The following LRBA variants were observed in gnomAD, a reference collection of about 807,000 sequenced individuals.
LRBA encodes LPS responsive beige-like anchor protein.
In LRBA, 176 loss-of-function variants were observed where a neutral mutation model predicts 330.0. The ratio of observed to expected loss-of-function variants is 0.53; its 90% confidence interval spans 0.47 to 0.60. LRBA has a LOEUF of 0.60. LRBA is among the 20% of genes least tolerant of loss of function. The probability of loss-of-function intolerance (pLI) is 0.00; values close to 1 mark genes in which losing one functional copy is unlikely to be tolerated. For synonymous variants in LRBA, 1,230 were observed against 1,193.0 expected (o/e 1.03, Z -0.64); for missense variants, 3,259 against 3,444.8 (o/e 0.95, Z 1.35).
chr4:150,333,441 A>G (rs895857281), intron 48 of LRBA, among the ~76,000 whole-genome samples: 1 of 152,174 alleles, frequency 6.6e-6, no homozygotes, highest in Non-Finnish European at 1.5e-5. Flanking sequence ...ATATATTAAA[A>G]CTTTCTCACA....
At chr4:150,935,857 T>C (rs896796571) in intron 2 of LRBA, among the ~76,000 whole-genome samples, 2 of 151,936 alleles carry the variant, frequency 1.3e-5, no homozygotes, top group Admixed American at 1.3e-4. Flanking sequence ...GACTGAATCC[T>C]TATCTTACAA....
intron 2 of LRBA, among the ~76,000 whole-genome samples, chr4:151,003,025 T>A (rs920316595): frequency 7.8e-6 from 1 of 128,956 alleles, no homozygotes; most frequent in East Asian, 2.3e-4. Flanking sequence ...AAAAAAAATA[T>A]GTGTGTGTGT....
At chr4:150,266,228 C>T (rs1300296937) in intron 56 of LRBA, among the ~76,000 whole-genome samples, 2 of 152,182 alleles carry the variant, frequency 1.3e-5, no homozygotes, top group Non-Finnish European at 2.9e-5. Context: ...AAAGAAGCAG[C>T]ACACACTCAA....
intron 40 of LRBA, among the ~76,000 whole-genome samples, chr4:150,559,662 A>AATAT (rs374502406): frequency 1.1e-5 from 1 of 89,804 alleles, no homozygotes; most frequent in East Asian, 2.7e-4. Flanking sequence ...ATATAATTAT[A>AATAT]ATATATATAT....
intron 37 of LRBA, among the ~76,000 whole-genome samples, chr4:150,667,068 G>T (rs138526314): frequency 6.6e-6 from 1 of 152,092 alleles, no homozygotes; most frequent in Non-Finnish European, 1.5e-5. Context: ...TCAAACCCAT[G>T]TCTGCTTTAC....
intron 52 of LRBA, among the ~76,000 whole-genome samples, chr4:150,306,257 C>A (rs1053903050): frequency 3.3e-5 from 5 of 152,124 alleles, no homozygotes; most frequent in African/African-American, 1.2e-4. Flanking sequence ...CCTCCCTCCT[C>A]CCCAATCTAA....
chr4:150,968,167 G>T (rs1270938233), intron 2 of LRBA, among the ~76,000 whole-genome samples: 1 of 152,022 alleles, frequency 6.6e-6, no homozygotes, highest in Non-Finnish European at 1.5e-5. Context: ...ACCATGTCTG[G>T]CTAATTTTTG....
intron 37 of LRBA, among the ~76,000 whole-genome samples, chr4:150,653,823 G>T (rs1457000896): frequency 6.6e-6 from 1 of 151,990 alleles, no homozygotes; most frequent in Non-Finnish European, 1.5e-5. Context: ...ACACTATAGG[G>T]TCATAACTGT....
intron 13 of LRBA, among the ~76,000 whole-genome samples, chr4:150,902,097 A>T (rs1730794963): frequency 6.6e-6 from 1 of 152,206 alleles, no homozygotes; most frequent in Admixed American, 6.5e-5. Flanking sequence ...AAAAGTCATG[A>T]AGCAATATGT....
At chr4:150,770,643 G>T (rs900054022) in intron 34 of LRBA, among the ~76,000 whole-genome samples, 2 of 150,956 alleles carry the variant, frequency 1.3e-5, no homozygotes, top group East Asian at 3.9e-4. Flanking sequence ...AGAAAGAAAT[G>T]TAACAATTAC....
intron 47 of LRBA, among the ~76,000 whole-genome samples, chr4:150,396,403 C>G (rs1202344618): frequency 1.3e-5 from 2 of 151,876 alleles, no homozygotes; most frequent in Non-Finnish European, 2.9e-5. Context: ...CTCTGGGTCT[C>G]TAGCTTGAAT....
At position 150,908,812 on chromosome 4, in the gene LRBA, G is replaced by C; in HGVS notation, c.1207C>G (p.His403Asp). 6.2e-7 allele frequency: 1 copy of C among 1,613,748 alleles called. No individual in the cohort carries two copies. Among genetic ancestry groups the C allele is most frequent in the Middle Eastern group, 1.7e-4 (1 of 6,058 alleles). Residue 403 changes from histidine to aspartate, a missense_variant, in exon 10 of 57, where the codon CAT becomes GAT. Transcript: ENST00000651943. ...CCATCGTACAATAAAAGTTTGTGATGCTCAGCAAGGAAAAGGTCGCTTTCT... is the reference window on the plus strand; with the variant it reads ...CCATCGTACAATAAAAGTTTGTGATCCTCAGCAAGGAAAAGGTCGCTTTCT... ...KAESDLFLAE[H>D]HKLLLYDGKL... is the part of the protein sequence containing the mutation.
chr4:150,558,130 C>T (rs1767573152), intron 40 of LRBA, among the ~76,000 whole-genome samples: 1 of 152,078 alleles, frequency 6.6e-6, no homozygotes, highest in Admixed American at 6.6e-5. Flanking sequence ...AACTCCTAAC[C>T]TCAAATGATC....
chr4:150,984,687 T>C (rs1741231138), intron 2 of LRBA, among the ~76,000 whole-genome samples: 3 of 152,226 alleles, frequency 2.0e-5, no homozygotes, highest in Non-Finnish European at 4.4e-5. Flanking sequence ...CCTTCTTTAC[T>C]GTGCCTTGAC....
At position 150,698,754 on chromosome 4, in the gene LRBA, T is replaced by C. The variant is rs1784844388; in HGVS notation, c.5755-15037A>G. Among the ~76,000 whole-genome samples the C allele has an allele frequency of 3.3e-5, 5 of 152,316 alleles. No homozygotes were observed. In the South Asian group the frequency reaches 1.0e-3, roughly 32 times the overall value. ...AAATTATTATTTCTTGTTATATGTA[T>C]GTATATACCTGTCCTTTATACAGGT... On this transcript the variant is annotated intron_variant, in intron 36 of 56. Transcript: ENST00000651943.
intron 2 of LRBA, among the ~76,000 whole-genome samples, chr4:150,937,264 T>C (rs947729129): frequency 6.6e-6 from 1 of 152,106 alleles, no homozygotes; most frequent in Admixed American, 6.5e-5. Context: ...GGGTCTACAG[T>C]ATGTCATGTT....
chr4:150,696,135 C>T (rs180713170), intron 36 of LRBA, among the ~76,000 whole-genome samples: 6 of 152,006 alleles, frequency 3.9e-5, no homozygotes, highest in Non-Finnish European at 5.9e-5. Context: ...GAGGATGAGG[C>T]GGGAGGATTG....
At chr4:150,807,357 T>C (rs945229343) in intron 32 of LRBA, among the ~76,000 whole-genome samples, 5 of 152,158 alleles carry the variant, frequency 3.3e-5, no homozygotes, top group Admixed American at 6.5e-5. Context: ...ACACAACTCA[T>C]AGAACTTGTT....
intron 17 of LRBA, among the ~76,000 whole-genome samples, chr4:150,889,798 G>C (rs1389727118): frequency 6.6e-6 from 1 of 152,122 alleles, no homozygotes; most frequent in Non-Finnish European, 1.5e-5. Context: ...TGACTCTGTT[G>C]TTATAGCAGG....
Sources: gnomAD v4.1 joint callset for allele counts (sites outside exome capture counted in the v4.1 genomes callset) on GRCh38, gnomAD v4.1.1 for gene constraint, MANE v1.5 for transcripts, NCBI Gene and HGNC (gene_info 2026-07-23, HGNC 2026-07-21) for gene names.